RBPMS: variants seen among roughly 807,000 people sequenced by gnomAD.
RBPMS encodes RNA-binding protein with multiple splicing.
RBPMS carries 7 observed loss-of-function variants against 26.8 expected under a neutral mutation model. The observed-to-expected ratio is 0.26, with a 90% CI of 0.15 to 0.49. RBPMS has a LOEUF of 0.49. RBPMS is among the 20% of genes least tolerant of loss of function. RBPMS has a pLI of 0.98. For synonymous variants in RBPMS, 96 were observed against 93.3 expected (o/e 1.03, Z -0.17); for missense variants, 186 against 250.0 (o/e 0.74, Z 1.73).
intron 4 of RBPMS, among the ~76,000 whole-genome samples, chr8:30,500,275 G>A (rs1820412141): frequency 6.6e-6 from 1 of 151,486 alleles, no homozygotes; most frequent in Non-Finnish European, 1.5e-5. Context: ...CACAGATAGA[G>A]AAGTATACAT....
chr8:30,423,526 A>G (rs972105014), intron 1 of RBPMS, among the ~76,000 whole-genome samples: 2 of 151,368 alleles, frequency 1.3e-5, no homozygotes, highest in African/African-American at 2.4e-5. Flanking sequence ...GGGGCCATCT[A>G]TTGTAGGAGT....
At chr8:30,390,765 A>G (rs1336876277) in intron 1 of RBPMS, among the ~76,000 whole-genome samples, 2 of 152,114 alleles carry the variant, frequency 1.3e-5, no homozygotes, top group African/African-American at 2.4e-5. Context: ...TTTATTTTGT[A>G]TGGGTCTATG....
intron 5 of RBPMS, among the ~76,000 whole-genome samples, chr8:30,534,169 A>C (rs571512531): frequency 6.6e-6 from 1 of 152,272 alleles, no homozygotes; most frequent in Non-Finnish European, 1.5e-5. Context: ...ACTTCTGAAA[A>C]ACACAGAAAC....
At chr8:30,439,199 A>G (rs940910008) in intron 1 of RBPMS, among the ~76,000 whole-genome samples, 2 of 152,212 alleles carry the variant, frequency 1.3e-5, no homozygotes, top group African/African-American at 2.4e-5. Flanking sequence ...GTCAGTTACT[A>G]TGCTCAGGAA....
rs1806839779 is a variant in RBPMS at position 30,385,004 on chromosome 8, G to A, written c.-89G>A. On this transcript the variant is annotated 5_prime_UTR_variant, in exon 1 of 9. Transcript: ENST00000397323. ...GCGGCGCCCGCCCGAGGGAGCCCCG[G>A]CGCCCGGGGAAGGCTCCAGTGGGCT... 2 of 1,057,440 alleles carry A rather than the reference G, an allele frequency of 1.9e-6. No homozygotes were observed. The highest frequency in any genetic ancestry group is 2.5e-6 in the Non-Finnish European group (2 of 784,644). 65.5% of individuals were successfully genotyped at this position (1,057,440 alleles called of 1,614,324 possible). A position where few individuals can be genotyped will look rare whatever the true frequency, so the allele number is the denominator to read the frequency against.
At chr8:30,515,221 C>CTT (rs1423107501) in intron 5 of RBPMS, among the ~76,000 whole-genome samples, 1 of 152,172 alleles carries the variant, frequency 6.6e-6, no homozygotes, top group Non-Finnish European at 1.5e-5. Flanking sequence ...ATCCTCCTGC[C>CTT]TTAGCCTCCC....
intron 1 of RBPMS, among the ~76,000 whole-genome samples, chr8:30,386,509 G>A (rs1175290597): frequency 1.3e-5 from 2 of 152,142 alleles, no homozygotes; most frequent in Non-Finnish European, 2.9e-5. Context: ...TATTATAAAA[G>A]ACTATTTGAA....
At chr8:30,453,698 G>A (rs528331870) in intron 1 of RBPMS, 12 of 152,056 alleles carry the variant, frequency 7.9e-5, no homozygotes, top group Admixed American at 1.3e-4. Flanking sequence ...ATTCACTCAC[G>A]GCCTGATTCA....
intron 5 of RBPMS, among the ~76,000 whole-genome samples, chr8:30,507,396 A>T (rs1821179476): frequency 6.6e-6 from 1 of 152,204 alleles, no homozygotes; most frequent in South Asian, 2.1e-4. Flanking sequence ...TACTAGGCAA[A>T]CGTAAAGTAC....
At chr8:30,561,703 G>C (rs1827500796) in intron 7 of RBPMS, among the ~76,000 whole-genome samples, 1 of 152,190 alleles carries the variant, frequency 6.6e-6, no homozygotes, top group African/African-American at 2.4e-5. Context: ...CTGTCAGTCA[G>C]ATGCTTCAGG....
At chr8:30,435,037 C>CATCCATCCATCT (rs1812311179) in intron 1 of RBPMS, among the ~76,000 whole-genome samples, 1 of 151,898 alleles carries the variant, frequency 6.6e-6, no homozygotes, top group Non-Finnish European at 1.5e-5. Flanking sequence ...TCCATCCATC[C>CATCCATCCATCT]ATCCGATCCA....
At chr8:30,440,253 C>CA (rs1250953762) in intron 1 of RBPMS, among the ~76,000 whole-genome samples, 1 of 152,046 alleles carries the variant, frequency 6.6e-6, no homozygotes, top group Non-Finnish European at 1.5e-5. Context: ...GTGTACAGTT[C>CA]AGTAGTGTTG....
chr8:30,511,529 CTGTGTGTGTG>C (rs10596340), intron 5 of RBPMS, among the ~76,000 whole-genome samples: 9 of 119,978 alleles, frequency 7.5e-5, no homozygotes, highest in African/African-American at 2.3e-4. Flanking sequence ...ATATATATTT[CTGTGTGTGTG>C]TGTGTGTGTG....
In RBPMS at chr8:30,566,881, T is replaced by C. The variant is rs9801989; in HGVS notation, c.*111+521T>C. Among the ~76,000 whole-genome samples the C allele has an allele frequency of 2.6e-3, 396 of 152,344 alleles. 9 individuals are homozygous for C. The highest frequency in any genetic ancestry group is 0.018 in the Admixed American group (274 of 15,310). On this transcript the variant is annotated intron_variant, in intron 8 of 8. Transcript: ENST00000397323. ...TGAATCAGAATTCACAATTAATTTC[T>C]CCAGACTGTGGGCCTCTTAGTAGTT...
chr8:30,492,076 G>A (rs113565713), intron 4 of RBPMS, among the ~76,000 whole-genome samples: 3,054 of 152,228 alleles, frequency 0.02, 93 homozygotes, highest in African/African-American at 0.062. Context: ...ATTTTTATTA[G>A]AGATAGGGTT....
chr8:30,460,942 T>C lies in RBPMS; in HGVS notation c.67-13837T>C, dbSNP rs550178906. Among the ~76,000 whole-genome samples, 6 of 152,088 alleles carry C rather than the reference T, an allele frequency of 3.9e-5. No individual in the cohort carries two copies. In the South Asian group the frequency reaches 1.0e-3, roughly 26 times the overall value. On this transcript the variant is annotated intron_variant, in intron 1 of 8. Transcript: ENST00000397323. ...GGCATATACTTGTGGTCCCAGCCAC[T>C]TGGGAAGCTGAGGTGGGGGAGGATC... is the stretch of plus-strand genomic sequence containing the variant.
chr8:30,521,900 A>G (rs1001015314), intron 5 of RBPMS, among the ~76,000 whole-genome samples: 7 of 152,296 alleles, frequency 4.6e-5, no homozygotes, highest in African/African-American at 1.4e-4. Context: ...TAAATAAAGA[A>G]GATAGAATGG....
chr8:30,468,188 A>G (rs1242437473), intron 1 of RBPMS, among the ~76,000 whole-genome samples: 1 of 152,198 alleles, frequency 6.6e-6, no homozygotes, highest in Non-Finnish European at 1.5e-5. Flanking sequence ...AAAAACTTCA[A>G]GTATGAATTT....
intron 1 of RBPMS, among the ~76,000 whole-genome samples, chr8:30,472,855 C>G (rs1026407715): frequency 6.6e-6 from 1 of 152,130 alleles, no homozygotes; most frequent in Non-Finnish European, 1.5e-5. Context: ...ATGGGAGGAT[C>G]TCTTGAGCTC....
Sources: allele counts gnomAD v4.1 joint callset (sites outside exome capture counted in the v4.1 genomes callset), GRCh38; gene constraint gnomAD v4.1.1; transcripts MANE v1.5; gene names NCBI Gene and HGNC (gene_info 2026-07-23, HGNC 2026-07-21).